The following MIER1 variants were observed in gnomAD, a reference collection of about 807,000 sequenced individuals.
MIER1 encodes mesoderm induction early response protein 1.
In MIER1, 40 loss-of-function variants were observed where a neutral mutation model predicts 75.7. That is an observed-to-expected ratio of 0.53 (90% confidence interval 0.41 to 0.69). MIER1 has a LOEUF of 0.69. MIER1 is among the 30% of genes least tolerant of loss of function. MIER1 has a pLI of 0.00. For synonymous variants in MIER1, 213 were observed against 223.4 expected, an observed-to-expected ratio of 0.95 and a Z score of 0.42; for missense variants, 574 against 680.2, an observed-to-expected ratio of 0.84 and a Z score of 1.74.
At chr1:66,950,430 A>C (rs1168460911) in intron 4 of MIER1, among the ~76,000 whole-genome samples, 1 of 152,176 alleles carries the variant, frequency 6.6e-6, no homozygotes, top group East Asian at 1.9e-4. Context: ...TTTGTTTGCT[A>C]CAAATAGAAA....
chr1:66,986,082 T>C lies in MIER1; in HGVS notation c.*1182T>C, dbSNP rs1307851195. 1.3e-4 allele frequency: 135 copies of C among 1,047,230 alleles called. 1 individual carries two copies. In the Admixed American group the frequency reaches 4.5e-3, roughly 35 times the overall value. The allele number at this position is 1,047,230 out of a possible 1,614,324, so 64.9% of individuals were successfully genotyped here. A position where few individuals can be genotyped will look rare whatever the true frequency, so the allele number is the denominator to read the frequency against. ...AGGGGGGTCAAGTGATACTTAGATA[T>C]TGGCACACACAAGGAACAACTGTTG... On this transcript the variant is annotated 3_prime_UTR_variant, in exon 14 of 14. Coordinates refer to ENST00000401041, the MANE Select transcript of MIER1 (RefSeq NM_001077700.3).
chr1:66,945,960 T>G (rs943533305), intron 3 of MIER1, among the ~76,000 whole-genome samples, 190 bp from the exon 4 acceptor site: 8 of 152,236 alleles, frequency 5.3e-5, no homozygotes, highest in Non-Finnish European at 1.5e-5. Context: ...ATAAACACTT[T>G]TAAAGCTATA....
chr1:66,938,212 A>T (rs1346129603), intron 2 of MIER1, among the ~76,000 whole-genome samples: 1 of 152,190 alleles, frequency 6.6e-6, no homozygotes, highest in Non-Finnish European at 1.5e-5. Context: ...AGTGCTCCTG[A>T]GGCCTTTTAC....
At chr1:66,965,246 C>T (rs938323722) in intron 8 of MIER1, among the ~76,000 whole-genome samples, 16 of 152,008 alleles carry the variant, frequency 1.1e-4, no homozygotes, top group African/African-American at 3.9e-4. Context: ...CAGTTTTGTG[C>T]TTTACTCGTA....
At chr1:66,933,615 T>C (rs1424157446) in intron 2 of MIER1, among the ~76,000 whole-genome samples, 1 of 152,186 alleles carries the variant, frequency 6.6e-6, no homozygotes, top group East Asian at 1.9e-4. Flanking sequence ...ATTTCTACTC[T>C]AAGCAAAATG....
chr1:66,970,357 T>G (rs559616172), intron 8 of MIER1, among the ~76,000 whole-genome samples: 2 of 152,326 alleles, frequency 1.3e-5, no homozygotes, highest in Non-Finnish European at 2.9e-5. Flanking sequence ...TCTAGACATA[T>G]TTTCAAAAAT....
intron 8 of MIER1, among the ~76,000 whole-genome samples, chr1:66,969,644 C>T (rs753400344): frequency 1.3e-5 from 2 of 150,030 alleles, no homozygotes; most frequent in African/African-American, 2.5e-5. Flanking sequence ...GAAATTTTGA[C>T]GCTGTTAGTT....
intron 4 of MIER1, among the ~76,000 whole-genome samples, chr1:66,955,352 T>TTG (rs1342921598): frequency 7.0e-6 from 1 of 143,174 alleles, no homozygotes; most frequent in African/African-American, 2.6e-5. Flanking sequence ...TTTTTTTTTT[T>TTG]TTTTTTTTTT....
intron 4 of MIER1, 126 bp from the exon 5 acceptor site, chr1:66,957,932 TC>T: frequency 2.1e-6 from 1 of 477,828 alleles, no homozygotes; most frequent in Non-Finnish European, 3.6e-6. Flanking sequence ...CTTTTTATGA[TC>T]CGAGAATTCG....
At chr1:66,971,376 A>G (rs1663578431) in intron 9 of MIER1, among the ~76,000 whole-genome samples, 1 of 152,050 alleles carries the variant, frequency 6.6e-6, no homozygotes, top group Non-Finnish European at 1.5e-5. Flanking sequence ...GCCACAAAGA[A>G]GGGATTTTCA....
At chr1:66,936,102 G>T (rs901312892) in intron 2 of MIER1, among the ~76,000 whole-genome samples, 2 of 152,034 alleles carry the variant, frequency 1.3e-5, no homozygotes, top group East Asian at 1.9e-4. Flanking sequence ...TACTGATAAG[G>T]TTATGAGTAC....
At chr1:66,971,917 C>T (rs569469764) in intron 10 of MIER1, among the ~76,000 whole-genome samples, 181 bp downstream of exon 10, 1 of 151,978 alleles carries the variant, frequency 6.6e-6, no homozygotes, top group African/African-American at 2.4e-5. Flanking sequence ...ATTGTCCCTT[C>T]CTCCTTTGTG....
At chr1:66,958,806 C>T in intron 5 of MIER1, 45 bp from the exon 6 acceptor site, 1 of 1,510,154 alleles carries the variant, frequency 6.6e-7, no homozygotes. Context: ...TCATCTGCAA[C>T]TGTTTTCCTT....
intron 6 of MIER1, 115 bp from the exon 7 acceptor site, chr1:66,959,564 A>G: frequency 1.8e-6 from 1 of 545,624 alleles, no homozygotes; most frequent in Non-Finnish European, 3.2e-6. Context: ...TCTTGGCTTA[A>G]TTCATTAGAT....
At chr1:66,979,118 T>C (rs78723814) in intron 12 of MIER1, among the ~76,000 whole-genome samples, 1 of 152,286 alleles carries the variant, frequency 6.6e-6, no homozygotes, top group African/African-American at 2.4e-5. Context: ...ATAAAGTTTA[T>C]TTAACTGAAA....
intron 4 of MIER1, among the ~76,000 whole-genome samples, chr1:66,950,408 C>A (rs1161425361): frequency 2.6e-5 from 4 of 152,122 alleles, no homozygotes; most frequent in African/African-American, 9.7e-5. Context: ...TGCACCTGGC[C>A]ATAGATACAT....
At chr1:66,937,279 A>G (rs1457722081) in intron 2 of MIER1, among the ~76,000 whole-genome samples, 1 of 152,098 alleles carries the variant, frequency 6.6e-6, no homozygotes, top group Non-Finnish European at 1.5e-5. Flanking sequence ...AGCTAACTAG[A>G]TGCTTTTGAA....
At chr1:66,964,162 C>T (rs1570401764) in intron 8 of MIER1, among the ~76,000 whole-genome samples, 1 of 150,576 alleles carries the variant, frequency 6.6e-6, no homozygotes, top group East Asian at 2.0e-4. Context: ...ACCTCCACCT[C>T]CTGGGTTCAA....
chr1:66,975,861 T>G (rs1485511434), intron 11 of MIER1, among the ~76,000 whole-genome samples: 1 of 152,326 alleles, frequency 6.6e-6, no homozygotes, highest in African/African-American at 2.4e-5. Flanking sequence ...CTGTTGGGAC[T>G]AGTAAGAGAA....
Sources: gnomAD v4.1 joint callset for allele counts (sites outside exome capture counted in the v4.1 genomes callset) on GRCh38, gnomAD v4.1.1 for gene constraint, MANE v1.5 for transcripts, NCBI Gene and HGNC (gene_info 2026-07-23, HGNC 2026-07-21) for gene names.